Variants in SYNE1 observed in about 807,000 individuals in gnomAD.
The protein encoded by SYNE1 is spectrin repeat containing nuclear envelope protein 1, also known as nesprin-1.
SYNE1 carries 616 observed loss-of-function variants against 1,111.0 expected under a neutral mutation model. The observed-to-expected ratio is 0.55, with a 90% CI of 0.52 to 0.59. The LOEUF (loss-of-function observed/expected upper bound fraction) is 0.59. Ranked by LOEUF, SYNE1 falls within the 20% of genes least tolerant of loss-of-function variation. The probability of loss-of-function intolerance (pLI) is 0.00; values close to 1 mark genes in which losing one functional copy is unlikely to be tolerated. For synonymous variants in SYNE1, 3,855 were observed against 3,825.8 expected (o/e 1.01, Z -0.28); for missense variants, 10,006 against 10,417.0 (o/e 0.96, Z 1.72).
In SYNE1 at chr6:152,353,425, T is replaced by G. The variant is rs565588192; in HGVS notation, c.11091A>C (p.Ile3697=). Residue 3697 remains isoleucine (I), a synonymous_variant, in exon 69 of 146, where the codon ATA becomes ATC. Transcript: ENST00000367255. ...QALLLQVLEQ[I]KFLEEEIQSL... Reference sequence around the variant, plus strand: ...TCTGAATCTCCTCCTCCAGGAATTTTATTTGTTCCTATGAAAGAAAAGAGA... The same window carrying G: ...TCTGAATCTCCTCCTCCAGGAATTTGATTTGTTCCTATGAAAGAAAAGAGA... 3.1e-6 allele frequency: 5 copies of G among 1,614,228 alleles called. No individual in the cohort carries two copies. Among genetic ancestry groups the G allele is most frequent in the Non-Finnish European group, 3.4e-6 (4 of 1,180,056 alleles).
chr6:152,139,759 A>AGGAAAG (rs373696186), intron 140 of SYNE1, among the ~76,000 whole-genome samples, 191 bp downstream of exon 140: 1 of 151,270 alleles, frequency 6.6e-6, no homozygotes, highest in Non-Finnish European at 1.5e-5. Flanking sequence ...GAAAAGAAAA[A>AGGAAAG]AAAGAAAACC....
At chr6:152,164,487 A>G (rs2063209532) in intron 130 of SYNE1, among the ~76,000 whole-genome samples, 162 bp from the exon 131 acceptor site, 1 of 152,252 alleles carries the variant, frequency 6.6e-6, no homozygotes, top group Non-Finnish European at 1.5e-5. Flanking sequence ...TAGAAATTAG[A>G]GATGAATACA....
chr6:152,432,241 A>G (rs1451061659), intron 34 of SYNE1, among the ~76,000 whole-genome samples: 1 of 152,184 alleles, frequency 6.6e-6, no homozygotes, highest in East Asian at 1.9e-4. Flanking sequence ...ATCTTCCAAC[A>G]AGGCAAATGC....
chr6:152,433,858 T>C lies in SYNE1; in HGVS notation c.4398A>G (p.Glu1466=), dbSNP rs1407207554. The change falls in exon 34 of 146, where the codon GAA becomes GAG. Residue 1466 remains glutamate (E), a synonymous_variant. Transcript: ENST00000367255. ...AAGTTTCCAAGGCATTGAGTTCTTT[T>C]TCTTTCTCAGTTATCCAGACGGACA... ...ETLSVWITEK[E]KELNALETSS... The C allele has an allele frequency of 6.2e-7, 1 of 1,613,928 alleles. No homozygotes were observed. The highest frequency in any genetic ancestry group is 1.1e-5 in the South Asian group (1 of 91,082).
chr6:152,278,462 T>A lies in SYNE1; in HGVS notation c.18382-182A>T, dbSNP rs9397498. On this transcript the variant is annotated intron_variant, in intron 97 of 145. Transcript: ENST00000367255. ...CTGTAGGCTTTTTTTTTATATTTTTTAATTTATTTTTATTTTTTTAGACAG... is the reference window on the plus strand; with the variant it reads ...CTGTAGGCTTTTTTTTTATATTTTTAAATTTATTTTTATTTTTTTAGACAG... Among the ~76,000 whole-genome samples, 28,446 of 151,728 alleles carry A rather than the reference T, an allele frequency of 0.19. 3,300 individuals are homozygous for A. The highest frequency in any genetic ancestry group is 0.46 in the East Asian group (2,370 of 5,138).
At chr6:152,315,049 C>A (rs2095670776) in intron 87 of SYNE1, 1 of 150,144 alleles carries the variant, frequency 6.7e-6, no homozygotes, top group Non-Finnish European at 1.5e-5. Context: ...TTATTATATG[C>A]AAATATTTAC....
At chr6:152,310,121 CAA>C (rs11292345) in intron 89 of SYNE1, 104 bp from the exon 90 acceptor site, 51,008 of 975,248 alleles carry the variant, frequency 0.052, 2 homozygotes, top group East Asian at 0.15. Flanking sequence ...AAACATTTTG[CAA>C]AAAAAAAAAA....
At chr6:152,303,854 G>A (rs2095283984) in intron 91 of SYNE1, among the ~76,000 whole-genome samples, 1 of 151,652 alleles carries the variant, frequency 6.6e-6, no homozygotes, top group Non-Finnish European at 1.5e-5. Flanking sequence ...CATGGATGCA[G>A]AACTTATGGA....
rs1278211656 is a variant in SYNE1, at chr6:152,330,200, C to G, written c.14485G>C (p.Gly4829Arg). 1 of 1,614,160 alleles carries G rather than the reference C, an allele frequency of 6.2e-7. No individual in the cohort carries two copies. Among genetic ancestry groups the G allele is most frequent in the East Asian group, 2.2e-5 (1 of 44,876 alleles). The stretch of plus-strand genomic sequence containing the variant: ...ATGGTTACTCGTTTCAGTACAATCC[C>G]TGAGTCCTGGAGACTTCCTGCCAGG... Reference protein sequence around the residue: ...HSLAGSLQDSGIVLKRVTIHL... With the variant: ...HSLAGSLQDSRIVLKRVTIHL... Residue 4829 changes from glycine to arginine, a missense_variant, in exon 78 of 146, where the codon GGG becomes CGG. Transcript: ENST00000367255.
chr6:152,457,384 A>G (rs1034468944), intron 22 of SYNE1, among the ~76,000 whole-genome samples: 1 of 152,180 alleles, frequency 6.6e-6, no homozygotes, highest in Non-Finnish European at 1.5e-5. Context: ...GGCTCTTTCT[A>G]CTAATGATGC....
At chr6:152,309,699 T>G in intron 90 of SYNE1, 136 bp downstream of exon 90, 2 of 1,148,750 alleles carry the variant, frequency 1.7e-6, no homozygotes, top group Non-Finnish European at 2.5e-6. Context: ...TTAATCTCCT[T>G]ATTTTATAAA....
At chr6:152,600,063 T>A (rs185823008) in intron 3 of SYNE1, among the ~76,000 whole-genome samples, 1 of 152,246 alleles carries the variant, frequency 6.6e-6, no homozygotes, top group East Asian at 1.9e-4. Flanking sequence ...GCCAGCAAAG[T>A]CCAGTAATAC....
intron 95 of SYNE1, among the ~76,000 whole-genome samples, chr6:152,289,778 C>T (rs2094497379): frequency 6.6e-6 from 1 of 152,204 alleles, no homozygotes; most frequent in African/African-American, 2.4e-5. Context: ...AAGCGCCCAC[C>T]ACCATGCCTG....
chr6:152,535,229 C>T (rs962142545), intron 4 of SYNE1, among the ~76,000 whole-genome samples: 2 of 152,208 alleles, frequency 1.3e-5, no homozygotes, highest in African/African-American at 4.8e-5. Flanking sequence ...GCCTTCGAGT[C>T]TCCAGAACTC....
At chr6:152,377,473 G>A (rs2097302496) in intron 56 of SYNE1, among the ~76,000 whole-genome samples, 1 of 150,862 alleles carries the variant, frequency 6.6e-6, no homozygotes, top group Admixed American at 6.6e-5. Context: ...GCCAGTTGTG[G>A]TGGTGGGCGC....
rs770879640 is a variant in SYNE1 at position 152,239,709 on chromosome 6, G to T, written c.19894-3C>A. 5.6e-6 allele frequency: 9 copies of T among 1,614,040 alleles called. No homozygotes were observed. Among genetic ancestry groups the T allele is most frequent in the Middle Eastern group, 1.6e-4 (1 of 6,062 alleles). On this transcript the variant is annotated splice_polypyrimidine_tract_variant and splice_region_variant and intron_variant, in intron 107 of 145. Coordinates refer to ENST00000367255, the MANE Select transcript of SYNE1 (RefSeq NM_182961.4). ...GATTCCAGGCCCTGAAAGTATTCCT[G>T]CAATTTTTCAGGAAGAAAGAAGTCA...
chr6:152,378,180 A>G (rs1294521606), intron 56 of SYNE1, among the ~76,000 whole-genome samples: 1 of 152,194 alleles, frequency 6.6e-6, no homozygotes, highest in African/African-American at 2.4e-5. Flanking sequence ...AAATATGTAA[A>G]CACTGTGGAT....
intron 61 of SYNE1, chr6:152,367,815 T>C (rs914086694): frequency 3.0e-5 from 7 of 236,116 alleles, no homozygotes; most frequent in Admixed American, 5.1e-5. Context: ...TTTTAAAACA[T>C]GGGACCATAC....
intron 110 of SYNE1, among the ~76,000 whole-genome samples, chr6:152,235,638 G>A (rs1239271435): frequency 1.3e-5 from 2 of 152,220 alleles, no homozygotes; most frequent in Admixed American, 1.3e-4. Context: ...TGGGATTACA[G>A]GCGTGAGCCA....
Sources: gnomAD v4.1 joint callset for allele counts (sites outside exome capture counted in the v4.1 genomes callset) on GRCh38, gnomAD v4.1.1 for gene constraint, MANE v1.5 for transcripts, NCBI Gene and HGNC (gene_info 2026-07-23, HGNC 2026-07-21) for gene names.